The following WDR7 variants were observed in gnomAD, a reference collection of about 807,000 sequenced individuals.
WDR7 encodes the protein WD repeat-containing protein 7.
WDR7 carries 46 observed loss-of-function variants against 169.4 expected under a neutral mutation model. That is an observed-to-expected ratio of 0.27 (90% confidence interval 0.21 to 0.35). The LOEUF is 0.35. Ranked by LOEUF, WDR7 falls within the 10% of genes least tolerant of loss-of-function variation. The pLI is 1.00. For synonymous variants in WDR7, 612 were observed against 666.8 expected (o/e 0.92, Z 1.27); for missense variants, 1,534 against 1,859.3 (o/e 0.83, Z 3.22).
At chr18:56,961,449 C>T (rs919592336) in intron 25 of WDR7, among the ~76,000 whole-genome samples, 2 of 151,992 alleles carry the variant, frequency 1.3e-5, no homozygotes, top group Non-Finnish European at 2.9e-5. Flanking sequence ...CAAAATCCTC[C>T]TAAATATCTA....
intron 25 of WDR7, among the ~76,000 whole-genome samples, chr18:56,943,012 A>T (rs866374357): frequency 2.0e-5 from 3 of 152,238 alleles, no homozygotes; most frequent in Non-Finnish European, 4.4e-5. Flanking sequence ...GCTGCAATAG[A>T]TGATAAATTA....
At chr18:56,758,391 C>G (rs542138905) in intron 15 of WDR7, among the ~76,000 whole-genome samples, 5 of 152,226 alleles carry the variant, frequency 3.3e-5, no homozygotes, top group African/African-American at 1.2e-4. Flanking sequence ...ATGTAACGTG[C>G]CCAAGGTAAC....
At chr18:56,809,364 A>G (rs2044830180) in intron 19 of WDR7, among the ~76,000 whole-genome samples, 1 of 152,092 alleles carries the variant, frequency 6.6e-6, no homozygotes, top group Non-Finnish European at 1.5e-5. Flanking sequence ...GAGATAAAGT[A>G]TTCAGTATTT....
rs143750814 is a variant in WDR7, at chr18:56,819,364, TAAA to T, written c.3304+3224_3304+3226del. Among the ~76,000 whole-genome samples the T allele has an allele frequency of 4.1e-3, 624 of 152,274 alleles. 36 individuals are homozygous for T. The East Asian group carries it at 0.11, about 27-fold the overall frequency. Reference sequence around the variant, plus strand: ...CAATTTAAATCTTCACTCTGTCATTTAAAAAATATGCTGCAGCTTCTTTCTCTA... The same window carrying T: ...CAATTTAAATCTTCACTCTGTCATTTAAATATGCTGCAGCTTCTTTCTCTA... On this transcript the variant is annotated intron_variant, in intron 20 of 27. Transcript: ENST00000254442.
chr18:56,995,784 C>A (rs760208982), intron 26 of WDR7, among the ~76,000 whole-genome samples: 4 of 152,158 alleles, frequency 2.6e-5, no homozygotes, highest in East Asian at 1.9e-4. Context: ...GTACTACATC[C>A]CCAGACTGAG....
In WDR7 at chr18:57,009,971, A is replaced by G. The variant is rs542996247; in HGVS notation, c.4165-10774A>G. 7.2e-5 allele frequency: 71 copies of G among 985,408 alleles called. 2 individuals carry two copies. The Middle Eastern group carries it at 7.3e-3, about 102-fold the overall frequency. 61.0% of individuals were successfully genotyped at this position (985,408 alleles called of 1,614,324 possible). ...ACCCACGAAAATGCCAAGTCCCATC[A>G]TGACGGACATTTACTTAGGAATGTG... is the stretch of plus-strand genomic sequence containing the variant. On this transcript the variant is annotated intron_variant, in intron 26 of 27. Transcript: ENST00000254442.
At chr18:56,848,636 C>T (rs2145357820) in intron 20 of WDR7, among the ~76,000 whole-genome samples, 1 of 152,062 alleles carries the variant, frequency 6.6e-6, no homozygotes, top group Non-Finnish European at 1.5e-5. Context: ...GGGGTGGATC[C>T]CTCATGAATG....
intron 19 of WDR7, among the ~76,000 whole-genome samples, chr18:56,808,799 A>G (rs755855988): frequency 1.3e-5 from 2 of 152,202 alleles, no homozygotes; most frequent in Non-Finnish European, 2.9e-5. Flanking sequence ...AGTTGAGTGT[A>G]GTTTAATTCC....
chr18:56,734,611 A>G (rs75234719), intron 14 of WDR7, among the ~76,000 whole-genome samples: 4,930 of 151,458 alleles, frequency 0.033, 269 homozygotes, highest in African/African-American at 0.11. Flanking sequence ...TTGTTTTTTA[A>G]TCTCACTCTT....
intron 18 of WDR7, 34 bp downstream of exon 18, chr18:56,779,583 A>T (rs1388473022): frequency 6.5e-7 from 1 of 1,548,886 alleles, no homozygotes; most frequent in Non-Finnish European, 8.8e-7. Flanking sequence ...GAAAACAAAA[A>T]TATTAAAAAG....
intron 13 of WDR7, among the ~76,000 whole-genome samples, chr18:56,718,790 A>G (rs935581155): frequency 3.3e-5 from 5 of 152,174 alleles, no homozygotes; most frequent in African/African-American, 1.2e-4. Context: ...TTACTTTCAC[A>G]ATTTTCACTA....
chr18:56,761,732 T>A (rs2043983896), intron 16 of WDR7, among the ~76,000 whole-genome samples: 2 of 151,798 alleles, frequency 1.3e-5, no homozygotes, highest in Non-Finnish European at 2.9e-5. Flanking sequence ...ATCTAAATAT[T>A]GGATTTGGAT....
intron 14 of WDR7, among the ~76,000 whole-genome samples, chr18:56,751,037 CTG>C (rs2043782816): frequency 6.6e-6 from 1 of 152,018 alleles, no homozygotes; most frequent in African/African-American, 2.4e-5. Context: ...ATCTTCTCAT[CTG>C]TTTTTGTTCC....
At chr18:56,947,911 A>C (rs932146359) in intron 25 of WDR7, among the ~76,000 whole-genome samples, 1 of 152,232 alleles carries the variant, frequency 6.6e-6, no homozygotes. Context: ...GGAAGCTACT[A>C]TCAAGGCTCC....
At chr18:56,706,419 C>G (rs2025956196) in intron 12 of WDR7, among the ~76,000 whole-genome samples, 1 of 152,194 alleles carries the variant, frequency 6.6e-6, no homozygotes, top group African/African-American at 2.4e-5. Context: ...TAGAACCAAA[C>G]AGACCTGGAT....
At chr18:57,030,786 G>T (rs1157902990), downstream of WDR7, 1 of 151,752 alleles carries the variant, frequency 6.6e-6, no homozygotes, top group African/African-American at 2.4e-5. Flanking sequence ...TTTGTGCAAT[G>T]GTTTAGAGAT....
In WDR7 at chr18:56,708,581, G is replaced by A. The variant is rs80045017; in HGVS notation, c.1579-9383G>A. On this transcript the variant is annotated intron_variant, in intron 12 of 27. Transcript: ENST00000254442. ...TTTGTGGGCATGGACAGATGACAGCGGACAGCTGAATGGTGTGTGGAGAGT... is the reference window on the plus strand; with the variant it reads ...TTTGTGGGCATGGACAGATGACAGCAGACAGCTGAATGGTGTGTGGAGAGT... Among the ~76,000 whole-genome samples the A allele has an allele frequency of 2.8e-3, 426 of 152,168 alleles. 4 individuals carry two copies. In the East Asian group the frequency reaches 0.036, roughly 13 times the overall value.
intron 26 of WDR7, among the ~76,000 whole-genome samples, chr18:56,982,266 A>C (rs1657414): frequency 6.6e-6 from 1 of 152,232 alleles, no homozygotes; most frequent in Non-Finnish European, 1.5e-5. Context: ...AAAGGCACCC[A>C]GCTTCTGAAT....
intron 20 of WDR7, among the ~76,000 whole-genome samples, chr18:56,825,233 G>C (rs1453783435): frequency 6.6e-6 from 1 of 152,136 alleles, no homozygotes; most frequent in Non-Finnish European, 1.5e-5. Flanking sequence ...TTTCCAGTAA[G>C]GGCACTTTTA....
Sources: gnomAD v4.1 joint callset for allele counts (sites outside exome capture counted in the v4.1 genomes callset) on GRCh38, gnomAD v4.1.1 for gene constraint, MANE v1.5 for transcripts, NCBI Gene and HGNC (gene_info 2026-07-23, HGNC 2026-07-21) for gene names.